The following ZIM2 variants were observed in gnomAD, a reference collection of about 807,000 sequenced individuals.
The protein encoded by ZIM2 is zinc finger imprinted 2.
A neutral mutation model predicts 38.6 loss-of-function variants in ZIM2; 14 were observed. The ratio of observed to expected loss-of-function variants is 0.36; its 90% CI spans 0.24 to 0.57. ZIM2 has a LOEUF of 0.57. Ranked by LOEUF, ZIM2 falls within the 20% of genes least tolerant of loss-of-function variation. The probability of loss-of-function intolerance (pLI) is 0.81; values close to 1 mark genes in which losing one functional copy is unlikely to be tolerated. For synonymous variants in ZIM2, 247 were observed against 245.8 expected (o/e 1.00, Z -0.04); for missense variants, 680 against 695.1 (o/e 0.98, Z 0.24).
intron 8 of ZIM2, 140 bp from the exon 9 acceptor site, chr19:56,817,978 C>A (rs1231234959): frequency 1.2e-5 from 8 of 657,728 alleles, no homozygotes; most frequent in Non-Finnish European, 2.2e-5. Flanking sequence ...AAGACATTTG[C>A]TGTCTCATTT....
chr19:56,801,697 C>T (rs370177038), intron 9 of ZIM2, among the ~76,000 whole-genome samples: 2 of 152,132 alleles, frequency 1.3e-5, no homozygotes, highest in African/African-American at 4.8e-5. Flanking sequence ...GGACCAATCC[C>T]ATAGAGAAGA....
In ZIM2 at chr19:56,775,288, G is replaced by C; in HGVS notation, c.1077C>G (p.Asn359Lys). The C allele has an allele frequency of 6.2e-7, 1 of 1,614,182 alleles. No homozygotes were observed. Among genetic ancestry groups the C allele is most frequent in the Non-Finnish European group, 8.5e-7 (1 of 1,180,028 alleles). The stretch of plus-strand genomic sequence containing the variant: ...AGGTTCGTTTGCAAAATTCACATCT[G>C]TTGTGTTTGTTCTCTTGGGATGCTG... ...PQSASQENKH[N>K]RCEFCKRTFS... Residue 359 changes from asparagine (N) to lysine (K), a missense_variant, in exon 13 of 13, where the codon AAC (asparagine) becomes AAG (lysine). Asn to Lys is a moderately conservative substitution (Grantham distance 94). Coordinates refer to ENST00000629319, the MANE Select transcript of ZIM2 (RefSeq NM_001387356.1).
intron 9 of ZIM2, chr19:56,798,519 A>C (rs2047340729): frequency 6.6e-6 from 1 of 152,204 alleles, no homozygotes; most frequent in Non-Finnish European, 1.5e-5. Flanking sequence ...CTAGAAGAAA[A>C]TCTAGGCAAT....
At chr19:56,788,735 A>C (rs920563642) in intron 10 of ZIM2, among the ~76,000 whole-genome samples, 6 of 152,106 alleles carry the variant, frequency 3.9e-5, no homozygotes, top group African/African-American at 1.4e-4. Flanking sequence ...TAATATCCTG[A>C]AGAGTGTTTT....
Position 56,775,259 on chromosome 19 carries a change from C to A in ZIM2, c.1106G>T (p.Ser369Ile). ...GTGTCTCCTAAGGGCTACTTGCGTA[C>A]TAAAGGTTCGTTTGCAAAATTCACA... Reference protein sequence around the residue: ...NRCEFCKRTFSTQVALRRHER... With the variant: ...NRCEFCKRTFITQVALRRHER... Residue 369 changes from serine (S) to isoleucine (I), a missense_variant, in exon 13 of 13, where the codon AGT becomes ATT. Ser to Ile is a moderately radical substitution (Grantham distance 142). Transcript: ENST00000629319. 6.2e-7 allele frequency: 1 copy of A among 1,614,140 alleles called. No individual in the cohort carries two copies.
chr19:56,821,567 T>C, intron 7 of ZIM2, 84 bp downstream of exon 7: 1 of 1,549,400 alleles, frequency 6.5e-7, no homozygotes, highest in Non-Finnish European at 8.8e-7. Flanking sequence ...AGGGGGCAGA[T>C]AAACACACCA....
At chr19:56,816,522 T>A in intron 9 of ZIM2, 1 of 1,613,602 alleles carries the variant, frequency 6.2e-7, no homozygotes, top group Non-Finnish European at 8.5e-7. Context: ...CTTTCAGGGA[T>A]GAGCTATGAA....
Position 56,775,021 on chromosome 19 carries a change from G to A in ZIM2, c.1344C>T (p.Cys448=), listed in dbSNP as rs760341002. Residue 448 remains cysteine, a synonymous_variant, in exon 13 of 13, where the codon TGC becomes TGT. Coordinates refer to ENST00000629319, the MANE Select transcript of ZIM2 (RefSeq NM_001387356.1). ...GCACATTCTGGAGAAAAGCTTTGCCGCACTGAAAACATTCAAAGTAGTCCT... is the reference window on the plus strand; with the variant it reads ...GCACATTCTGGAGAAAAGCTTTGCCACACTGAAAACATTCAAAGTAGTCCT... ...SQEDYFECFQ[C]GKAFLQNVHL... is the part of the protein sequence containing the mutation. 24 of 1,613,978 alleles carry A rather than the reference G, an allele frequency of 1.5e-5. No homozygotes were observed. Among genetic ancestry groups the A allele is most frequent in the South Asian group, 1.2e-4 (11 of 91,078 alleles).
chr19:56,816,012 G>A (rs1240769382), intron 9 of ZIM2: 16 of 1,589,514 alleles, frequency 1.0e-5, no homozygotes, highest in East Asian at 4.5e-5. Context: ...TGATAGCATC[G>A]AAGCTCTGAA....
At chr19:56,815,587 A>G in intron 9 of ZIM2, 2 of 1,614,142 alleles carry the variant, frequency 1.2e-6, no homozygotes, top group Non-Finnish European at 1.7e-6. Context: ...CAGAGAGTGA[A>G]TTACAGAGGT....
At chr19:56,824,679 G>C in intron 3 of ZIM2, 9 of 1,580,968 alleles carry the variant, frequency 5.7e-6, no homozygotes, top group Non-Finnish European at 7.7e-6. Flanking sequence ...ATTTTCACTG[G>C]AGGAACCAAA....
intron 9 of ZIM2, chr19:56,813,553 C>G: frequency 3.5e-6 from 5 of 1,448,580 alleles, no homozygotes; most frequent in Non-Finnish European, 4.6e-6. Flanking sequence ...GATGTTAAGT[C>G]AGGTGTGTAA....
In ZIM2 at chr19:56,775,546, A is replaced by G. The variant is rs2045953186; in HGVS notation, c.836-17T>C. On this transcript the variant is annotated splice_polypyrimidine_tract_variant and intron_variant, in intron 12 of 12. Transcript: ENST00000629319. ...GAGACTCTCCTGCAGAGACAATGCCAGAAGTTACCTACCGCCCAATTATCC... is the reference window on the plus strand; with the variant it reads ...GAGACTCTCCTGCAGAGACAATGCCGGAAGTTACCTACCGCCCAATTATCC... 6.3e-7 allele frequency: 1 copy of G among 1,579,560 alleles called. No homozygotes were observed. The highest frequency in any genetic ancestry group is 1.4e-5 in the African/African-American group (1 of 73,320).
intron 9 of ZIM2, among the ~76,000 whole-genome samples, chr19:56,803,556 G>A (rs949383891): frequency 6.6e-6 from 1 of 152,164 alleles, no homozygotes; most frequent in Admixed American, 6.5e-5. Flanking sequence ...TTCCAGGCAC[G>A]TGTATTCCAT....
chr19:56,797,037 C>T (rs1465316562), intron 9 of ZIM2, among the ~76,000 whole-genome samples: 1 of 150,888 alleles, frequency 6.6e-6, no homozygotes, highest in Non-Finnish European at 1.5e-5. Flanking sequence ...CTCAGCCAGG[C>T]TTGGTGGTTC....
chr19:56,829,015 T>C (rs2061326077), intron 2 of ZIM2, among the ~76,000 whole-genome samples: 1 of 151,830 alleles, frequency 6.6e-6, no homozygotes, highest in Non-Finnish European at 1.5e-5. Context: ...TAAGAACAAA[T>C]ATAGCCAAGT....
chr19:56,821,523 T>G, intron 7 of ZIM2, 128 bp downstream of exon 7: 3 of 1,146,248 alleles, frequency 2.6e-6, no homozygotes, highest in Non-Finnish European at 3.7e-6. Context: ...GGGCTCCTCC[T>G]GGAGCGCTGG....
At chr19:56,811,928 A>G in intron 9 of ZIM2, 1 of 984,792 alleles carries the variant, frequency 1.0e-6, no homozygotes, top group East Asian at 1.1e-4. Flanking sequence ...CCCTTCTTTG[A>G]CTCACTCATT....
chr19:56,822,886 G>A (rs1416920926), intron 5 of ZIM2, 50 bp from the exon 6 acceptor site: 4 of 1,585,168 alleles, frequency 2.5e-6, no homozygotes, highest in East Asian at 4.6e-5. Context: ...TGACACACCT[G>A]TTTTCCCTGC....
Sources: gnomAD v4.1 joint callset for allele counts (sites outside exome capture counted in the v4.1 genomes callset) on GRCh38, gnomAD v4.1.1 for gene constraint, MANE v1.5 for transcripts, NCBI Gene and HGNC (gene_info 2026-07-23, HGNC 2026-07-21) for gene names.